Variants in TOP2B observed in about 807,000 individuals in gnomAD.
The protein encoded by TOP2B is DNA topoisomerase II beta.
In TOP2B, 51 loss-of-function variants were observed where a neutral mutation model predicts 193.5. The observed-to-expected ratio is 0.26, with a 90% CI of 0.21 to 0.33. TOP2B has a LOEUF of 0.33. Among genes scored for constraint, TOP2B ranks in the 10% least tolerant of loss-of-function variants. The pLI, the probability that TOP2B is intolerant of heterozygous loss-of-function variation, is 1.00. For missense variants in TOP2B, 1,378 were observed against 1,909.3 expected, an observed-to-expected ratio of 0.72 and a Z score of 5.19; for synonymous variants, 634 against 635.7, an observed-to-expected ratio of 1.00 and a Z score of 0.04.
At position 25,623,671 on chromosome 3, in the gene TOP2B, T is replaced by C. The variant is rs1465755072; in HGVS notation, c.2571A>G (p.Val857=). Residue 857 remains valine (V), a synonymous_variant, in exon 21 of 36, where the codon GTA becomes GTG. Transcript: ENST00000264331. ...LKFLYDDNQR[V]EPEWYIPIIP... is the part of the protein sequence containing the mutation. ...TTATAGGAATATACCACTCAGGCTC[T>C]ACACGTTGATTATCATCATAAAGGA... 2 of 1,613,704 alleles carry C rather than the reference T, an allele frequency of 1.2e-6. No homozygotes were observed. Among genetic ancestry groups the C allele is most frequent in the Non-Finnish European group, 8.5e-7 (1 of 1,179,796 alleles).
chr3:25,609,974 C>A (rs1702327630), intron 28 of TOP2B, among the ~76,000 whole-genome samples: 1 of 152,034 alleles, frequency 6.6e-6, no homozygotes, highest in South Asian at 2.1e-4. Context: ...AATAAGAAGG[C>A]AGCTTTTGAT....
intron 21 of TOP2B, 101 bp downstream of exon 21, chr3:25,623,414 T>C: frequency 9.3e-7 from 1 of 1,070,516 alleles, no homozygotes; most frequent in Non-Finnish European, 1.4e-6. Flanking sequence ...GTCTACAATA[T>C]GTTCTAAAAT....
At chr3:25,644,940 C>T (rs1385785463) in intron 2 of TOP2B, among the ~76,000 whole-genome samples, 2 of 151,064 alleles carry the variant, frequency 1.3e-5, no homozygotes, top group Non-Finnish European at 3.0e-5. Context: ...GGACTACAGG[C>T]GCCCGCCACC....
chr3:25,644,766 A>G (rs1703366664), intron 2 of TOP2B, among the ~76,000 whole-genome samples: 1 of 151,704 alleles, frequency 6.6e-6, no homozygotes, highest in South Asian at 2.1e-4. Flanking sequence ...TTCGTATGGC[A>G]CCATTTTACT....
intron 4 of TOP2B, among the ~76,000 whole-genome samples, chr3:25,639,457 G>A (rs1356176728): frequency 6.6e-6 from 1 of 152,066 alleles, no homozygotes; most frequent in Non-Finnish European, 1.5e-5. Context: ...ACAGAAGCAC[G>A]CCACCACGAC....
intron 32 of TOP2B, among the ~76,000 whole-genome samples, chr3:25,605,090 AAGT>A (rs2125345893): frequency 6.6e-6 from 1 of 152,292 alleles, no homozygotes; most frequent in African/African-American, 2.4e-5. Flanking sequence ...GAAGTGCATA[AAGT>A]AGTAAAAATT....
intron 3 of TOP2B, among the ~76,000 whole-genome samples, chr3:25,643,078 A>T (rs973152071): frequency 1.3e-5 from 2 of 152,168 alleles, no homozygotes; most frequent in East Asian, 3.8e-4. Flanking sequence ...CCAACAGAAG[A>T]AGTTCTGAGA....
At chr3:25,662,738 C>A (rs1298850256) in intron 1 of TOP2B, among the ~76,000 whole-genome samples, 1 of 152,166 alleles carries the variant, frequency 6.6e-6, no homozygotes, top group African/African-American at 2.4e-5. Flanking sequence ...AGCCAACAAT[C>A]CACTACGGAG....
At chr3:25,635,113 A>C (rs1703069077) in intron 7 of TOP2B, among the ~76,000 whole-genome samples, 1 of 152,168 alleles carries the variant, frequency 6.6e-6, no homozygotes, top group Non-Finnish European at 1.5e-5. Flanking sequence ...GGGCAGCTCA[A>C]AAAGAAGGGC....
chr3:25,661,385 T>G (rs995050306), intron 1 of TOP2B, among the ~76,000 whole-genome samples: 2 of 152,232 alleles, frequency 1.3e-5, no homozygotes, highest in African/African-American at 4.8e-5. Flanking sequence ...CTTAACATTT[T>G]CCATTAAAAA....
intron 4 of TOP2B, among the ~76,000 whole-genome samples, chr3:25,640,752 CTTT>C (rs372465937): frequency 2.6e-4 from 28 of 106,992 alleles, no homozygotes; most frequent in Middle Eastern, 6.0e-3. Context: ...TCTTCGTTGT[CTTT>C]TTTTTTTTTT....
At chr3:25,664,094 A>C (rs1704005813) in intron 1 of TOP2B, 135 bp downstream of exon 1, 2 of 1,305,062 alleles carry the variant, frequency 1.5e-6, no homozygotes, top group Non-Finnish European at 2.1e-6. Context: ...GGATTCTGCA[A>C]GCACAGGCCC....
At chr3:25,630,598 T>C (rs1447604824) in intron 11 of TOP2B, 129 bp from the exon 12 acceptor site, 1 of 861,932 alleles carries the variant, frequency 1.2e-6, no homozygotes, top group Non-Finnish European at 1.7e-6. Context: ...ACATTATTGC[T>C]CAGTATAAAT....
At chr3:25,627,359 A>T in intron 15 of TOP2B, 63 bp from the exon 16 acceptor site, 2 of 1,100,188 alleles carry the variant, frequency 1.8e-6, no homozygotes, top group Non-Finnish European at 2.6e-6. Flanking sequence ...ACCATCAAGT[A>T]AAAAGCTGGT....
chr3:25,605,940 A>G (rs780218362), intron 32 of TOP2B, 103 bp downstream of exon 32: 52 of 611,812 alleles, frequency 8.5e-5, no homozygotes, highest in Non-Finnish European at 1.3e-4. Flanking sequence ...CTACTCATTA[A>G]AAATTCTGAA....
In TOP2B at chr3:25,606,132, A is replaced by G. The variant is rs776204449; in HGVS notation, c.4299-10T>C. On this transcript the variant is annotated splice_polypyrimidine_tract_variant and intron_variant, in intron 31 of 35. Transcript: ENST00000264331. ...GTCATGCAAAGATTTTCTATTAGAA[A>G]GAAAATAAACACCACAGAGGATACA... The G allele has an allele frequency of 2.2e-6, 3 of 1,393,790 alleles. No homozygotes were observed. The highest frequency in any genetic ancestry group is 1.4e-5 in the African/African-American group (1 of 69,312). The allele number at this position is 1,393,790 out of a possible 1,614,324, so 86.3% of individuals were successfully genotyped here. A position where few individuals can be genotyped will look rare whatever the true frequency, so the allele number is the denominator to read the frequency against.
chr3:25,663,866 C>T (rs984126471), intron 1 of TOP2B, among the ~76,000 whole-genome samples: 3 of 152,120 alleles, frequency 2.0e-5, no homozygotes, highest in African/African-American at 7.2e-5. Flanking sequence ...AAATGCTGCC[C>T]CACACAGACA....
At chr3:25,661,282 A>G (rs913412333) in intron 1 of TOP2B, among the ~76,000 whole-genome samples, 1 of 152,224 alleles carries the variant, frequency 6.6e-6, no homozygotes, top group African/African-American at 2.4e-5. Flanking sequence ...TACAGGCGTG[A>G]GCCACCGCAC....
chr3:25,631,471 C>G (rs1038674812), intron 10 of TOP2B, among the ~76,000 whole-genome samples: 13 of 152,010 alleles, frequency 8.6e-5, no homozygotes, highest in African/African-American at 2.7e-4. Flanking sequence ...TGCAGTGAAT[C>G]AATCTGTGGC....
Sources: gnomAD v4.1 joint callset for allele counts (sites outside exome capture counted in the v4.1 genomes callset) on GRCh38, gnomAD v4.1.1 for gene constraint, MANE v1.5 for transcripts, NCBI Gene and HGNC (gene_info 2026-07-23, HGNC 2026-07-21) for gene names.